Variants in PCDHGA6 observed in about 807,000 individuals in gnomAD.
The protein encoded by PCDHGA6 is protocadherin gamma subfamily A, 6, also known as protocadherin gamma-A6.
A neutral mutation model predicts 60.6 loss-of-function variants in PCDHGA6; 41 were observed. The observed-to-expected ratio is 0.68, with a 90% CI of 0.53 to 0.88. The LOEUF (loss-of-function observed/expected upper bound fraction) is 0.88, where lower values mean the gene tolerates loss of function less well. PCDHGA6 is among the 40% of genes least tolerant of loss of function. PCDHGA6 has a pLI of 0.00. For synonymous variants in PCDHGA6, 594 were observed against 524.4 expected (o/e 1.13, Z -1.81); for missense variants, 1,312 against 1,203.0 (o/e 1.09, Z -1.34).
At chr5:141,510,579 C>T (rs2099881748) in intron 3 of PCDHGA6, among the ~76,000 whole-genome samples, 1 of 152,170 alleles carries the variant, frequency 6.6e-6, no homozygotes, top group Non-Finnish European at 1.5e-5. Flanking sequence ...CACTATTTTA[C>T]GTACCTGACA....
At position 141,384,946 on chromosome 5, in the gene PCDHGA6, G is replaced by A. The variant is rs749521895; in HGVS notation, c.2424+8439G>A. The A allele has an allele frequency of 1.2e-5, 19 of 1,613,924 alleles. No individual in the cohort carries two copies. Among genetic ancestry groups the A allele is most frequent in the Non-Finnish European group, 1.4e-5 (17 of 1,180,030 alleles). On this transcript the variant is annotated intron_variant, in intron 1 of 3. Transcript: ENST00000517434. ...CCTGGGCAGCCTTGAGCCCTCCGACGGTCCTTACAACTATGACCTCACGTT... is the reference window on the plus strand; with the variant it reads ...CCTGGGCAGCCTTGAGCCCTCCGACAGTCCTTACAACTATGACCTCACGTT...
At chr5:141,409,096 A>T (rs968537361) in intron 1 of PCDHGA6, 8 of 1,613,956 alleles carry the variant, frequency 5.0e-6, no homozygotes, top group African/African-American at 1.3e-5. Flanking sequence ...ATGAGAAAAC[A>T]GGTATGATTA....
chr5:141,486,083 C>T lies in PCDHGA6; in HGVS notation c.2425-8724C>T, dbSNP rs367657659. On this transcript the variant is annotated intron_variant, in intron 1 of 3. Coordinates refer to ENST00000517434, the MANE Select transcript of PCDHGA6 (RefSeq NM_018919.3). This position sits in a 1 kb window ranked among gnomAD's most constrained non-coding sequence, Gnocchi z 5.0. ...GCACCCCACTACTGGAAAGCTTACTCTTTTGGGGCCCCTAGACTTTGAGAG... is the reference window on the plus strand; with the variant it reads ...GCACCCCACTACTGGAAAGCTTACTTTTTTGGGGCCCCTAGACTTTGAGAG... The T allele has an allele frequency of 1.2e-6, 2 of 1,614,062 alleles. No individual in the cohort carries two copies. Among genetic ancestry groups the T allele is most frequent in the Non-Finnish European group, 1.7e-6 (2 of 1,180,040 alleles).
rs747671382 is a variant in PCDHGA6, at chr5:141,444,152, A to ATTTT, written c.2425-50622_2425-50619dup. Among the ~76,000 whole-genome samples the ATTTT allele has an allele frequency of 5.0e-4, 17 of 33,898 alleles. 5 individuals carry two copies. Among genetic ancestry groups the ATTTT allele is most frequent in the African/African-American group, 7.0e-4 (5 of 7,184 alleles). 22.2% of individuals were successfully genotyped at this position (33,898 alleles called of 152,430 possible). ...GATATGTGTCACTTGTGTGTACTGG[A>ATTTT]TTTTTTTTTTTTTTTTTTTTTTTTT... On this transcript the variant is annotated intron_variant, in intron 1 of 3. Transcript: ENST00000517434.
At chr5:141,454,320 C>G (rs140074578) in intron 1 of PCDHGA6, among the ~76,000 whole-genome samples, 4 of 152,148 alleles carry the variant, frequency 2.6e-5, no homozygotes, top group Admixed American at 2.6e-4. Context: ...ATTGAAACCT[C>G]CAAGAATAAA....
intron 1 of PCDHGA6, among the ~76,000 whole-genome samples, chr5:141,447,975 A>G (rs1352829510): frequency 6.6e-6 from 1 of 151,928 alleles, no homozygotes; most frequent in Non-Finnish European, 1.5e-5. Flanking sequence ...AATCCCAGCT[A>G]CTCGGGAGGC....
intron 1 of PCDHGA6, among the ~76,000 whole-genome samples, chr5:141,402,058 TA>T: frequency 6.6e-6 from 1 of 152,304 alleles, no homozygotes; most frequent in South Asian, 2.1e-4. Flanking sequence ...ATATTCACAT[TA>T]AAAAACTAAG....
intron 1 of PCDHGA6, among the ~76,000 whole-genome samples, chr5:141,450,894 G>C (rs919860611): frequency 6.7e-6 from 1 of 148,956 alleles, no homozygotes; most frequent in Admixed American, 6.7e-5. Context: ...GTGCGATATC[G>C]GCTCACTGCA....
chr5:141,447,428 G>C (rs542079336), intron 1 of PCDHGA6, among the ~76,000 whole-genome samples: 1 of 152,184 alleles, frequency 6.6e-6, no homozygotes, highest in African/African-American at 2.4e-5. Flanking sequence ...GTGAGCCACC[G>C]CACCCGGAGG....
chr5:141,423,904 G>A, intron 1 of PCDHGA6: 2 of 1,275,052 alleles, frequency 1.6e-6, no homozygotes, highest in Middle Eastern at 3.1e-4. Flanking sequence ...TGATTTCAAA[G>A]GGGCCATTCA....
rs762312563 is a variant in PCDHGA6 at position 141,493,182 on chromosome 5, A to G, written c.2425-1625A>G. Among the ~76,000 whole-genome samples, 1 of 152,232 alleles carries G rather than the reference A, an allele frequency of 6.6e-6. No homozygotes were observed. The highest frequency in any genetic ancestry group is 2.4e-5 in the African/African-American group (1 of 41,460). The stretch of plus-strand genomic sequence containing the variant: ...TAGCTGATTGAGAGAAACTTACTAT[A>G]TAACTCCTTTGAGAACCTCATCTCA... On this transcript the variant is annotated intron_variant, in intron 1 of 3. Coordinates refer to ENST00000517434, the MANE Select transcript of PCDHGA6 (RefSeq NM_018919.3). The surrounding 1 kb of genome is among the most constrained non-coding windows in gnomAD (Gnocchi z 4.3).
At chr5:141,401,058 T>A (rs967099811) in intron 1 of PCDHGA6, among the ~76,000 whole-genome samples, 1 of 152,236 alleles carries the variant, frequency 6.6e-6, no homozygotes, top group African/African-American at 2.4e-5. Flanking sequence ...AAATACTATA[T>A]GTTGGCTGGG....
Position 141,431,112 on chromosome 5 carries a change from GAGTAGA to G in PCDHGA6, c.2424+54616_2424+54621del, listed in dbSNP as rs764068262. On this transcript the variant is annotated intron_variant, in intron 1 of 3. Transcript: ENST00000517434. The surrounding 1 kb of genome is among the most constrained non-coding windows in gnomAD (Gnocchi z 4.8). ...ATGGAGGATAAAGTGAAAATATATG[GAGTAGA>G]AGTAGAAGTAAGGGACATTAACGAC... The G allele has an allele frequency of 1.7e-5, 28 of 1,614,128 alleles. No individual in the cohort carries two copies. The highest frequency in any genetic ancestry group is 3.3e-5 in the South Asian group (3 of 91,092).
chr5:141,384,982 G>C, intron 1 of PCDHGA6: 1 of 1,614,144 alleles, frequency 6.2e-7, no homozygotes, highest in Non-Finnish European at 8.5e-7. Flanking sequence ...GTACCTGGTG[G>C]TGGCGGTGGC....
chr5:141,390,392 C>A, intron 1 of PCDHGA6: 1 of 1,390,890 alleles, frequency 7.2e-7, no homozygotes. Flanking sequence ...TGTCATGGAT[C>A]ATTTTAGGAA....
chr5:141,440,564 A>G (rs531383065), intron 1 of PCDHGA6: 1 of 152,248 alleles, frequency 6.6e-6, no homozygotes, highest in Admixed American at 6.5e-5. Context: ...TAAGTTACGT[A>G]TCTCTGAGTT....
At position 141,476,209 on chromosome 5, in the gene PCDHGA6, G is replaced by A. The variant is rs749576231; in HGVS notation, c.2425-18598G>A. ...TTGGTGCCTTGAACAAGGCTTCCAC[G>A]GTCATTCACTATGAGATCCCGGAGG... On this transcript the variant is annotated intron_variant, in intron 1 of 3. Coordinates refer to ENST00000517434, the MANE Select transcript of PCDHGA6 (RefSeq NM_018919.3). The surrounding 1 kb of genome is among the most constrained non-coding windows in gnomAD (Gnocchi z 7.6). The A allele has an allele frequency of 3.1e-6, 5 of 1,613,974 alleles. No individual in the cohort carries two copies. Among genetic ancestry groups the A allele is most frequent in the Admixed American group, 1.7e-5 (1 of 60,014 alleles).
At chr5:141,394,096 G>C in intron 1 of PCDHGA6, 1 of 1,613,822 alleles carries the variant, frequency 6.2e-7, no homozygotes, top group African/African-American at 1.3e-5. Context: ...TCAGATCTAG[G>C]AACACCACCT....
chr5:141,419,258 C>G lies in PCDHGA6; in HGVS notation c.2424+42751C>G, dbSNP rs761740232. The G allele has an allele frequency of 2.5e-6, 4 of 1,614,028 alleles. No individual in the cohort carries two copies. The Admixed American group carries it at 6.7e-5, about 27-fold the overall frequency. ...GGTCCACGTGCCAGAAAACAACCAG[C>G]CGGGTGCCTCCATAGCGCAAGTCAG... On this transcript the variant is annotated intron_variant, in intron 1 of 3. Transcript: ENST00000517434.
Sources: allele counts gnomAD v4.1 joint callset (sites outside exome capture counted in the v4.1 genomes callset), GRCh38; gene constraint gnomAD v4.1.1; non-coding constraint Gnocchi (gnomAD v3.1); transcripts MANE v1.5; gene names NCBI Gene and HGNC (gene_info 2026-07-23, HGNC 2026-07-21).